ARFIP1: variants seen among roughly 807,000 people sequenced by gnomAD.
The protein encoded by ARFIP1 is arfaptin-1.
Under a neutral mutation model 42.5 loss-of-function variants are expected in ARFIP1, and 24 were observed. That is an observed-to-expected ratio of 0.57 (90% CI 0.41 to 0.80). The LOEUF (loss-of-function observed/expected upper bound fraction) is 0.80, where lower values mean the gene tolerates loss of function less well. ARFIP1 is among the 30% of genes least tolerant of loss of function. ARFIP1 has a pLI of 0.00. For synonymous variants in ARFIP1, 141 were observed against 153.7 expected (o/e 0.92, Z 0.61); for missense variants, 354 against 434.0 (o/e 0.82, Z 1.64).
At chr4:152,848,168 A>T (rs1211346089) in intron 2 of ARFIP1, among the ~76,000 whole-genome samples, 1 of 152,164 alleles carries the variant, frequency 6.6e-6, no homozygotes, top group Non-Finnish European at 1.5e-5. Context: ...TTATGGAATT[A>T]CCCAGTATTA....
chr4:152,827,509 C>G (rs1454213676), intron 1 of ARFIP1, among the ~76,000 whole-genome samples: 2 of 152,178 alleles, frequency 1.3e-5, no homozygotes, highest in East Asian at 3.8e-4. Flanking sequence ...GTATCCGCCA[C>G]TGTAGTATAC....
intron 2 of ARFIP1, among the ~76,000 whole-genome samples, chr4:152,852,555 C>A (rs1733080599): frequency 6.6e-6 from 1 of 151,964 alleles, no homozygotes; most frequent in Non-Finnish European, 1.5e-5. Flanking sequence ...ATTGCTTGAA[C>A]CTGGGAGGCG....
chr4:152,795,226 T>C (rs760792822), intron 1 of ARFIP1, among the ~76,000 whole-genome samples: 8 of 152,194 alleles, frequency 5.3e-5, no homozygotes, highest in Non-Finnish European at 7.4e-5. Context: ...TATTTTCTTA[T>C]ATCCCCCTTC....
At chr4:152,815,181 CT>C (rs900374675) in intron 1 of ARFIP1, among the ~76,000 whole-genome samples, 1 of 151,448 alleles carries the variant, frequency 6.6e-6, no homozygotes, top group Non-Finnish European at 1.5e-5. Context: ...TCTTCTGCTT[CT>C]TTTTTTTTAA....
chr4:152,822,290 C>A, intron 1 of ARFIP1, among the ~76,000 whole-genome samples: 2 of 43,220 alleles, frequency 4.6e-5, no homozygotes, highest in Admixed American at 2.8e-4. Flanking sequence ...ATAAAAGCAA[C>A]AGCAGTAAAA....
chr4:152,826,801 A>T (rs1413376096), intron 1 of ARFIP1, among the ~76,000 whole-genome samples: 1 of 152,172 alleles, frequency 6.6e-6, no homozygotes, highest in Non-Finnish European at 1.5e-5. Context: ...CACGGGATGA[A>T]TGGATACATA....
intron 1 of ARFIP1, among the ~76,000 whole-genome samples, chr4:152,781,136 C>G (rs897222114): frequency 1.3e-5 from 2 of 152,138 alleles, no homozygotes; most frequent in African/African-American, 2.4e-5. Flanking sequence ...TTCATGTTTG[C>G]CATTTAATTA....
intron 5 of ARFIP1, among the ~76,000 whole-genome samples, chr4:152,873,073 T>C (rs74501279): frequency 1.5e-3 from 232 of 152,362 alleles, no homozygotes; most frequent in African/African-American, 5.4e-3. Context: ...ATTTTTCTTA[T>C]GCCCTCCATA....
At chr4:152,908,515 C>A (rs994008026) in intron 8 of ARFIP1, among the ~76,000 whole-genome samples, 4 of 151,910 alleles carry the variant, frequency 2.6e-5, no homozygotes, top group African/African-American at 9.7e-5. Context: ...GAGGCAGAGG[C>A]AGGGGAATCG....
At chr4:152,861,002 T>A (rs773473654) in intron 2 of ARFIP1, among the ~76,000 whole-genome samples, 4 of 152,228 alleles carry the variant, frequency 2.6e-5, no homozygotes, top group Non-Finnish European at 5.9e-5. Flanking sequence ...CCAAATTGGC[T>A]TTTTTATACT....
At chr4:152,877,768 T>G (rs1735488448) in intron 5 of ARFIP1, among the ~76,000 whole-genome samples, 1 of 152,188 alleles carries the variant, frequency 6.6e-6, no homozygotes, top group African/African-American at 2.4e-5. Flanking sequence ...CGGTCTTGTC[T>G]GTGCTATTCT....
intron 8 of ARFIP1, among the ~76,000 whole-genome samples, chr4:152,888,811 T>G (rs968663797): frequency 1.3e-5 from 2 of 152,136 alleles, no homozygotes; most frequent in African/African-American, 4.8e-5. Flanking sequence ...ATCTAAGGAC[T>G]AGAGCAACGA....
chr4:152,831,515 A>G (rs979398259), intron 2 of ARFIP1, among the ~76,000 whole-genome samples: 3 of 152,238 alleles, frequency 2.0e-5, no homozygotes, highest in African/African-American at 7.2e-5. Context: ...ACCACTCAAG[A>G]GAACTACCGC....
intron 5 of ARFIP1, among the ~76,000 whole-genome samples, chr4:152,875,378 T>TAAAAAAAAA (rs11302481): frequency 1.0e-5 from 1 of 100,162 alleles, no homozygotes; most frequent in Non-Finnish European, 2.2e-5. Context: ...TCTTTTTTTA[T>TAAAAAAAAA]AAAAAAAAAA....
At chr4:152,803,463 C>T (rs2149824669) in intron 1 of ARFIP1, among the ~76,000 whole-genome samples, 1 of 152,230 alleles carries the variant, frequency 6.6e-6, no homozygotes, top group South Asian at 2.1e-4. Context: ...GCATCTCTGG[C>T]CTCTGCCTTC....
At chr4:152,894,207 C>CA (rs767223798) in intron 8 of ARFIP1, among the ~76,000 whole-genome samples, 12,770 of 82,626 alleles carry the variant, frequency 0.15, 661 homozygotes, top group African/African-American at 0.22. Flanking sequence ...GACTCTGTCT[C>CA]AAAAAAAAAA....
Position 152,910,271 on chromosome 4 carries a change from C to T in ARFIP1, c.*52C>T, listed in dbSNP as rs1738740766. On this transcript the variant is annotated 3_prime_UTR_variant, in exon 9 of 9. Transcript: ENST00000353617. Reference sequence around the variant, plus strand: ...TCGCGTTGTTATATTTCTAAACCAACCTAACAAGAATTAAGCAGAGTTGGG... The same window carrying T: ...TCGCGTTGTTATATTTCTAAACCAATCTAACAAGAATTAAGCAGAGTTGGG... 1 of 1,579,604 alleles carries T rather than the reference C, an allele frequency of 6.3e-7. No individual in the cohort carries two copies. The highest frequency in any genetic ancestry group is 8.6e-7 in the Non-Finnish European group (1 of 1,159,294).
At chr4:152,804,161 TATA>T (rs1475595754) in intron 1 of ARFIP1, among the ~76,000 whole-genome samples, 9 of 114,932 alleles carry the variant, frequency 7.8e-5, no homozygotes, top group African/African-American at 2.7e-4. Flanking sequence ...ATATATTATA[TATA>T]ATATAACATG....
intron 8 of ARFIP1, 28 bp from the exon 9 acceptor site, chr4:152,910,036 T>C (rs1579063031): frequency 1.2e-6 from 2 of 1,607,744 alleles, no homozygotes; most frequent in Non-Finnish European, 1.7e-6. Flanking sequence ...TGTTAATGCT[T>C]GGTCTTGTAA....
Sources: allele counts gnomAD v4.1 joint callset (sites outside exome capture counted in the v4.1 genomes callset), GRCh38; gene constraint gnomAD v4.1.1; transcripts MANE v1.5; gene names NCBI Gene and HGNC (gene_info 2026-07-23, HGNC 2026-07-21).